The following SPOCK3 variants were observed in gnomAD, a reference collection of about 807,000 sequenced individuals.
SPOCK3 encodes the protein SPARC (osteonectin), cwcv and kazal like domains proteoglycan 3, also known as testican-3.
In SPOCK3, 30 loss-of-function variants were observed where a neutral mutation model predicts 56.6. The ratio of observed to expected loss-of-function variants is 0.53; its 90% CI spans 0.40 to 0.72. The LOEUF is 0.72. SPOCK3 is among the 30% of genes least tolerant of loss of function. SPOCK3 has a pLI of 0.00. For synonymous variants in SPOCK3, 196 were observed against 183.3 expected, an observed-to-expected ratio of 1.07 and a Z score of -0.56; for missense variants, 527 against 530.0, an observed-to-expected ratio of 0.99 and a Z score of 0.06.
chr4:167,109,374 TTATATAAAATATATAA>T (rs1760638169), intron 2 of SPOCK3, among the ~76,000 whole-genome samples: 3 of 24,332 alleles, frequency 1.2e-4, no homozygotes, highest in East Asian at 2.9e-3. Flanking sequence ...ATATATATAT[TTATATAAAATATATAA>T]ATATATATTT....
intron 4 of SPOCK3, among the ~76,000 whole-genome samples, chr4:166,920,389 T>C (rs1738355426): frequency 6.6e-6 from 1 of 152,168 alleles, no homozygotes; most frequent in African/African-American, 2.4e-5. Context: ...ATAATCTAGA[T>C]TCTGAATTAG....
intron 5 of SPOCK3, among the ~76,000 whole-genome samples, chr4:166,896,825 A>C (rs1254123490): frequency 6.6e-6 from 1 of 152,164 alleles, no homozygotes; most frequent in Non-Finnish European, 1.5e-5. Context: ...GTAGTATAAA[A>C]ATTCTAGGAA....
chr4:166,861,410 A>T (rs1175146762), intron 6 of SPOCK3, among the ~76,000 whole-genome samples: 1 of 152,080 alleles, frequency 6.6e-6, no homozygotes, highest in Non-Finnish European at 1.5e-5. Context: ...GTGTGCTTAG[A>T]TATACTTGGA....
At chr4:167,105,865 T>C (rs188290118) in intron 2 of SPOCK3, among the ~76,000 whole-genome samples, 4 of 151,866 alleles carry the variant, frequency 2.6e-5, no homozygotes, top group South Asian at 2.1e-4. Flanking sequence ...ATAGATTGTA[T>C]GACAAAAACT....
At chr4:167,129,477 T>C (rs554250619) in intron 2 of SPOCK3, among the ~76,000 whole-genome samples, 55 of 152,242 alleles carry the variant, frequency 3.6e-4, no homozygotes, top group Non-Finnish European at 7.8e-4. Flanking sequence ...CTATTTCATC[T>C]GTTTCATCCC....
At chr4:166,798,148 A>T (rs1742167711) in intron 6 of SPOCK3, among the ~76,000 whole-genome samples, 1 of 152,206 alleles carries the variant, frequency 6.6e-6, no homozygotes, top group South Asian at 2.1e-4. Context: ...ATAATAAACA[A>T]CTATGCTAGT....
At position 166,946,581 on chromosome 4, in the gene SPOCK3, C is replaced by T. The variant is rs1158539602; in HGVS notation, c.351-33838G>A. On this transcript the variant is annotated intron_variant, in intron 4 of 10. Coordinates refer to ENST00000357545, the MANE Select transcript of SPOCK3 (RefSeq NM_001040159.2). The stretch of plus-strand genomic sequence containing the variant: ...GTACTTCAAATCTTGGCTTAACTAT[C>T]ACCTTCACAATGAAGCTTTCCCTGA... Among the ~76,000 whole-genome samples, 4 of 152,216 alleles carry T rather than the reference C, an allele frequency of 2.6e-5. No individual in the cohort carries two copies. In the South Asian group the frequency reaches 8.3e-4, roughly 31 times the overall value.
chr4:166,802,819 GTACAACT>G (rs1168900658), intron 6 of SPOCK3, among the ~76,000 whole-genome samples: 1 of 152,046 alleles, frequency 6.6e-6, no homozygotes, highest in Non-Finnish European at 1.5e-5. Flanking sequence ...GTGTGTGTGT[GTACAACT>G]TACAACTAAT....
chr4:166,807,307 C>T (rs1364014367), intron 6 of SPOCK3, among the ~76,000 whole-genome samples: 1 of 127,402 alleles, frequency 7.8e-6, no homozygotes, highest in Admixed American at 7.5e-5. Context: ...TGCATAAAGC[C>T]TAAAAAAAAA....
intron 7 of SPOCK3, among the ~76,000 whole-genome samples, chr4:166,755,122 T>C (rs944814717): frequency 6.6e-6 from 1 of 152,096 alleles, no homozygotes; most frequent in East Asian, 1.9e-4. Context: ...AAATTTATAT[T>C]TATTCACAGC....
chr4:166,800,208 G>GAAAAAAAAAAAAAAAAAA (rs1207796263), intron 6 of SPOCK3, among the ~76,000 whole-genome samples: 163 of 112,856 alleles, frequency 1.4e-3, no homozygotes, highest in East Asian at 9.2e-3. Context: ...AAAAAAAAAT[G>GAAAAAAAAAAAAAAAAAA]AAAACATGGA....
At chr4:166,994,699 A>G (rs1178241114) in intron 4 of SPOCK3, among the ~76,000 whole-genome samples, 3 of 152,146 alleles carry the variant, frequency 2.0e-5, no homozygotes, top group Non-Finnish European at 4.4e-5. Flanking sequence ...TATATGAGAA[A>G]CATGCTTTCT....
intron 4 of SPOCK3, among the ~76,000 whole-genome samples, chr4:166,934,848 A>AAG (rs1185825936): frequency 6.7e-6 from 1 of 150,166 alleles, no homozygotes; most frequent in Non-Finnish European, 1.5e-5. Flanking sequence ...AAGACAAACA[A>AAG]AGAAGCAAAA....
chr4:167,074,700 G>C (rs1757013347), intron 2 of SPOCK3, among the ~76,000 whole-genome samples: 1 of 151,922 alleles, frequency 6.6e-6, no homozygotes, highest in African/African-American at 2.4e-5. Context: ...AGAATGTAGG[G>C]ATCATGGCAG....
At chr4:167,159,117 A>G (rs1765061800) in intron 2 of SPOCK3, among the ~76,000 whole-genome samples, 1 of 152,000 alleles carries the variant, frequency 6.6e-6, no homozygotes, top group African/African-American at 2.4e-5. Flanking sequence ...AATCCTTTAT[A>G]ATCTGAGGTA....
chr4:166,752,569 TATATACACACACACACACAC>T (rs1321078803), intron 8 of SPOCK3, among the ~76,000 whole-genome samples: 550 of 9,024 alleles, frequency 0.061, 5 homozygotes, highest in African/African-American at 0.23. Context: ...TATATATATA[TATATACACACACACACACAC>T]ACACACACAC....
intron 3 of SPOCK3, among the ~76,000 whole-genome samples, chr4:167,014,912 T>C (rs1304088188): frequency 1.3e-5 from 2 of 152,098 alleles, no homozygotes; most frequent in South Asian, 4.1e-4. Context: ...TGCATTTTAT[T>C]TTAGTAAATT....
At chr4:167,234,749 G>T (rs1454252718), upstream of SPOCK3, 4 of 159,086 alleles carry the variant, frequency 2.5e-5, no homozygotes, top group African/African-American at 9.6e-5. Flanking sequence ...CTTGGCTGGA[G>T]CCAGAGGACG....
At chr4:166,808,446 T>TTCTCTC (rs149320907) in intron 6 of SPOCK3, among the ~76,000 whole-genome samples, 2 of 147,080 alleles carry the variant, frequency 1.4e-5, no homozygotes, top group African/African-American at 2.5e-5. Flanking sequence ...AAAGAAGAAA[T>TTCTCTC]TCTCTCTCTC....
Sources: allele counts gnomAD v4.1 joint callset (sites outside exome capture counted in the v4.1 genomes callset), GRCh38; gene constraint gnomAD v4.1.1; transcripts MANE v1.5; gene names NCBI Gene and HGNC (gene_info 2026-07-23, HGNC 2026-07-21).